The following MSI2 variants were observed in gnomAD, a reference collection of about 807,000 sequenced individuals.
MSI2 encodes the protein RNA-binding protein Musashi homolog 2.
In MSI2, 17 loss-of-function variants were observed where a neutral mutation model predicts 45.6. The ratio of observed to expected loss-of-function variants is 0.37; its 90% CI spans 0.26 to 0.56. The LOEUF is 0.56. MSI2 is among the 20% of genes least tolerant of loss of function. MSI2 has a pLI of 0.77. For missense variants in MSI2, 293 were observed against 444.2 expected (o/e 0.66, Z 3.06); for synonymous variants, 156 against 158.2 (o/e 0.99, Z 0.11).
intron 6 of MSI2, chr17:57,449,909 C>T (rs566225504): frequency 6.6e-6 from 1 of 152,202 alleles, no homozygotes; most frequent in East Asian, 1.9e-4. Flanking sequence ...GCCTGTAATC[C>T]CAGCTACTCG....
intron 5 of MSI2, among the ~76,000 whole-genome samples, chr17:57,285,347 C>T (rs1197809473): frequency 1.3e-5 from 2 of 152,136 alleles, no homozygotes; most frequent in Non-Finnish European, 2.9e-5. Context: ...AGATTAGCAA[C>T]CCAGCAGAAA....
chr17:57,563,886 T>C (rs1225372289), intron 7 of MSI2, among the ~76,000 whole-genome samples: 1 of 152,020 alleles, frequency 6.6e-6, no homozygotes, highest in African/African-American at 2.4e-5. Flanking sequence ...TCCCTAAAGA[T>C]GCTGTGGTGA....
chr17:57,303,539 T>C (rs936830060), intron 5 of MSI2, among the ~76,000 whole-genome samples: 1 of 152,190 alleles, frequency 6.6e-6, no homozygotes, highest in African/African-American at 2.4e-5. Context: ...CAGGGAAAAA[T>C]AATAGTTGAT....
At chr17:57,525,613 A>G (rs892288883) in intron 6 of MSI2, among the ~76,000 whole-genome samples, 9 of 152,158 alleles carry the variant, frequency 5.9e-5, no homozygotes, top group Non-Finnish European at 1.2e-4. Context: ...ATTCACAAAG[A>G]TACACCACTA....
chr17:57,300,860 C>G (rs1277061557), intron 5 of MSI2, among the ~76,000 whole-genome samples: 1 of 152,152 alleles, frequency 6.6e-6, no homozygotes, highest in African/African-American at 2.4e-5. Flanking sequence ...GAAACTGCCC[C>G]TACGATTCAA....
chr17:57,326,681 A>G (rs559871241), intron 5 of MSI2, among the ~76,000 whole-genome samples: 1 of 152,244 alleles, frequency 6.6e-6, no homozygotes, highest in South Asian at 2.1e-4. Flanking sequence ...TGCTTTACTT[A>G]TTTCCGCTCA....
At chr17:57,416,535 G>T (rs944201210) in intron 6 of MSI2, among the ~76,000 whole-genome samples, 1 of 152,230 alleles carries the variant, frequency 6.6e-6, no homozygotes, top group Non-Finnish European at 1.5e-5. Flanking sequence ...GCCTTCTCGT[G>T]GACTGGGATT....
chr17:57,277,277 C>T (rs1412205299), intron 5 of MSI2, among the ~76,000 whole-genome samples: 5 of 152,048 alleles, frequency 3.3e-5, no homozygotes, highest in African/African-American at 4.8e-5. Context: ...AGGCTGGTCT[C>T]GAACTCCTGA....
intron 6 of MSI2, among the ~76,000 whole-genome samples, chr17:57,507,932 C>T (rs1476373310): frequency 1.3e-5 from 2 of 152,204 alleles, no homozygotes; most frequent in Middle Eastern, 3.2e-3. Flanking sequence ...AGGTGTGAGC[C>T]GCCATGCCTG....
At chr17:57,330,797 ACCCTGG>A (rs1914191157) in intron 5 of MSI2, among the ~76,000 whole-genome samples, 1 of 151,942 alleles carries the variant, frequency 6.6e-6, no homozygotes, top group South Asian at 2.1e-4. Flanking sequence ...CTGGGGTGGC[ACCCTGG>A]GGTTCAAGTT....
chr17:57,446,434 C>T (rs1170250067), intron 6 of MSI2, among the ~76,000 whole-genome samples: 1 of 152,194 alleles, frequency 6.6e-6, no homozygotes, highest in African/African-American at 2.4e-5. Context: ...AAGTGAAGGA[C>T]CTACTGCAAG....
At chr17:57,271,650 A>G (rs757104868) in intron 5 of MSI2, among the ~76,000 whole-genome samples, 5 of 151,708 alleles carry the variant, frequency 3.3e-5, no homozygotes, top group South Asian at 2.1e-4. Flanking sequence ...AGGGCAGAAA[A>G]TGGTGTAGGA....
At chr17:57,545,150 C>T (rs1390205661) in intron 7 of MSI2, among the ~76,000 whole-genome samples, 2 of 151,956 alleles carry the variant, frequency 1.3e-5, no homozygotes, top group Admixed American at 6.6e-5. Context: ...ATTTTCCCCC[C>T]TCTGAATTCT....
At chr17:57,672,863 T>C (rs1912910385) in intron 11 of MSI2, among the ~76,000 whole-genome samples, 1 of 152,182 alleles carries the variant, frequency 6.6e-6, no homozygotes. Context: ...CCTCCATGAG[T>C]GAGAGGGCCA....
At chr17:57,355,076 G>A (rs753722036) in intron 5 of MSI2, among the ~76,000 whole-genome samples, 6 of 152,190 alleles carry the variant, frequency 3.9e-5, no homozygotes, top group Admixed American at 6.5e-5. Context: ...CCACATAACT[G>A]TAAAGTCCAG....
chr17:57,528,206 G>A (rs1012766278), intron 6 of MSI2, among the ~76,000 whole-genome samples: 2 of 152,098 alleles, frequency 1.3e-5, no homozygotes, highest in African/African-American at 2.4e-5. Flanking sequence ...GCCCTCCCCC[G>A]GTGCGTAGCT....
chr17:57,441,372 C>T (rs551871131), intron 6 of MSI2, among the ~76,000 whole-genome samples: 1 of 152,310 alleles, frequency 6.6e-6, no homozygotes, highest in East Asian at 1.9e-4. Flanking sequence ...TGTCCCCATG[C>T]CCTACACACT....
chr17:57,428,276 T>A (rs1234452504), intron 6 of MSI2, among the ~76,000 whole-genome samples: 1 of 152,158 alleles, frequency 6.6e-6, no homozygotes, highest in Non-Finnish European at 1.5e-5. Context: ...CAGGCTGGTG[T>A]GCAGTGGCAT....
At chr17:57,344,516 T>A (rs1567770039) in intron 5 of MSI2, among the ~76,000 whole-genome samples, 1 of 152,216 alleles carries the variant, frequency 6.6e-6, no homozygotes, top group Non-Finnish European at 1.5e-5. Flanking sequence ...TCCAAGGAGC[T>A]GGTTTCTTGT....
Sources: allele counts gnomAD v4.1 joint callset (sites outside exome capture counted in the v4.1 genomes callset), GRCh38; gene constraint gnomAD v4.1.1; transcripts MANE v1.5; gene names NCBI Gene and HGNC (gene_info 2026-07-23, HGNC 2026-07-21).